Variants in CAMK2A observed in about 807,000 individuals in gnomAD.
CAMK2A encodes calcium/calmodulin-dependent protein kinase type II subunit alpha.
CAMK2A carries 7 observed loss-of-function variants against 79.2 expected under a neutral mutation model. That is an observed-to-expected ratio of 0.09 (90% CI 0.05 to 0.17). The LOEUF is 0.17. Ranked by LOEUF, CAMK2A falls within the 10% of genes least tolerant of loss-of-function variation. The pLI, the probability that CAMK2A is intolerant of heterozygous loss-of-function variation, is 1.00. For synonymous variants in CAMK2A, 242 were observed against 251.7 expected, an observed-to-expected ratio of 0.96 and a Z score of 0.36; for missense variants, 214 against 646.4, an observed-to-expected ratio of 0.33 and a Z score of 7.25.
intron 2 of CAMK2A, among the ~76,000 whole-genome samples, chr5:150,269,272 G>T (rs1487851158): frequency 6.6e-6 from 1 of 152,170 alleles, no homozygotes; most frequent in Non-Finnish European, 1.5e-5. Context: ...GGGGCTAAGA[G>T]CATGGCAAGG....
chr5:150,240,982 C>T (rs1755311108), intron 13 of CAMK2A, among the ~76,000 whole-genome samples: 1 of 152,244 alleles, frequency 6.6e-6, no homozygotes, highest in African/African-American at 2.4e-5. Flanking sequence ...GGGTTTCTGA[C>T]TCCAAGATCC....
rs116887413 is a variant in CAMK2A at position 150,282,668 on chromosome 5, C to A, written c.62+6896G>T. 1.0e-3 allele frequency among the ~76,000 whole-genome samples: 158 copies of A among 152,342 alleles called. No individual in the cohort carries two copies. In the East Asian group the frequency reaches 0.024, roughly 23 times the overall value. On this transcript the variant is annotated intron_variant, in intron 1 of 18. Transcript: ENST00000671881. ...CTCACCCTCTCTGGGCCTTAGCTCA[C>A]CATCTGTAAGACAATGGAGCCCTCT...
intron 17 of CAMK2A, among the ~76,000 whole-genome samples, chr5:150,227,709 G>A (rs1414165187): frequency 6.6e-6 from 1 of 152,192 alleles, no homozygotes; most frequent in Non-Finnish European, 1.5e-5. Context: ...GGGCACAGCA[G>A]TGTGAGCTCT....
chr5:150,279,061 G>T (rs2150307221), intron 1 of CAMK2A, among the ~76,000 whole-genome samples: 1 of 152,270 alleles, frequency 6.6e-6, no homozygotes, highest in Non-Finnish European at 1.5e-5. Context: ...GGAGGCTGGG[G>T]TAAGGATGAG....
intron 1 of CAMK2A, among the ~76,000 whole-genome samples, chr5:150,276,705 C>A (rs1195202484): frequency 6.6e-6 from 1 of 152,168 alleles, no homozygotes; most frequent in African/African-American, 2.4e-5. Context: ...CTCCAGGGTG[C>A]AGGAGCTGGG....
intron 18 of CAMK2A, 100 bp downstream of exon 18, chr5:150,222,889 T>G: frequency 7.1e-7 from 1 of 1,409,036 alleles, no homozygotes. Context: ...CTCTGCAGCC[T>G]TTCAGAGCTG....
intron 11 of CAMK2A, among the ~76,000 whole-genome samples, chr5:150,248,492 C>G (rs1358198082): frequency 1.6e-4 from 19 of 121,744 alleles, no homozygotes; most frequent in Non-Finnish European, 3.0e-4. Context: ...CCCCTCCCCC[C>G]ACCCCACAAC....
intron 15 of CAMK2A, among the ~76,000 whole-genome samples, chr5:150,237,086 C>G (rs1755105157): frequency 6.6e-6 from 1 of 152,104 alleles, no homozygotes; most frequent in African/African-American, 2.4e-5. Flanking sequence ...TGCTCTAGGG[C>G]CAGGTTGTGG....
chr5:150,243,789 A>G (rs1462126546), intron 13 of CAMK2A, among the ~76,000 whole-genome samples: 1 of 152,022 alleles, frequency 6.6e-6, no homozygotes, highest in Non-Finnish European at 1.5e-5. Context: ...ACCTCATTGC[A>G]TGAATGAAGA....
At chr5:150,233,838 G>T (rs188625917) in intron 15 of CAMK2A, among the ~76,000 whole-genome samples, 2 of 152,088 alleles carry the variant, frequency 1.3e-5, no homozygotes, top group Admixed American at 1.3e-4. Flanking sequence ...TTTGAGATGG[G>T]GTCTCTCTGC....
chr5:150,230,342 GGA>G lies in CAMK2A; in HGVS notation c.1142+961_1142+962del, dbSNP rs1491340091. On this transcript the variant is annotated intron_variant, in intron 16 of 18. Coordinates refer to ENST00000671881, the MANE Select transcript of CAMK2A (RefSeq NM_015981.4). ...CAAAAAAAAAAAAAAAAAAAAAAAG[GGA>G]AAAAAAAAAGAATGCACCTGGTCTG... 8.7e-5 allele frequency among the ~76,000 whole-genome samples: 9 copies of G among 103,740 alleles called. No individual in the cohort carries two copies. The South Asian group carries it at 3.2e-3, about 37-fold the overall frequency. 68.1% of individuals were successfully genotyped at this position (103,740 alleles called of 152,430 possible).
chr5:150,253,987 A>T (rs1406543376), intron 6 of CAMK2A, among the ~76,000 whole-genome samples: 3 of 152,226 alleles, frequency 2.0e-5, no homozygotes, highest in African/African-American at 7.2e-5. Flanking sequence ...CATCTTCCAC[A>T]GTGGCCTTCC....
intron 1 of CAMK2A, among the ~76,000 whole-genome samples, chr5:150,281,096 G>A (rs1757196339): frequency 6.6e-6 from 1 of 152,134 alleles, no homozygotes; most frequent in Non-Finnish European, 1.5e-5. Context: ...TCCTGTCTTA[G>A]GAACTCTAGC....
At chr5:150,282,810 C>T (rs1580959093) in intron 1 of CAMK2A, among the ~76,000 whole-genome samples, 2 of 152,374 alleles carry the variant, frequency 1.3e-5, no homozygotes, top group East Asian at 3.9e-4. Context: ...AGGAGGCCTG[C>T]AAGGAAGGTA....
intron 11 of CAMK2A, among the ~76,000 whole-genome samples, chr5:150,249,139 G>A (rs748323657): frequency 6.6e-6 from 1 of 152,248 alleles, no homozygotes; most frequent in Non-Finnish European, 1.5e-5. Flanking sequence ...CAGATAAGGA[G>A]GTTCCACAAG....
intron 15 of CAMK2A, among the ~76,000 whole-genome samples, chr5:150,236,322 T>C (rs1444315521): frequency 6.6e-6 from 1 of 152,236 alleles, no homozygotes; most frequent in African/African-American, 2.4e-5. Context: ...TTGAGTAAAA[T>C]TGGTGCTCCA....
intron 13 of CAMK2A, among the ~76,000 whole-genome samples, chr5:150,243,596 C>G (rs1450642291): frequency 2.0e-5 from 3 of 152,158 alleles, no homozygotes; most frequent in African/African-American, 7.2e-5. Flanking sequence ...TTCAAATATT[C>G]TTGAGAAAAC....
At chr5:150,289,398 C>T (rs1020152834) in intron 1 of CAMK2A, among the ~76,000 whole-genome samples, 166 bp downstream of exon 1, 3 of 152,168 alleles carry the variant, frequency 2.0e-5, no homozygotes, top group Admixed American at 6.5e-5. Flanking sequence ...TACCCACGCC[C>T]GACTCTGGAC....
Position 150,289,706 on chromosome 5 carries a change from A to T in CAMK2A, c.-81T>A. The T allele has an allele frequency of 8.7e-7, 1 of 1,143,396 alleles. No homozygotes were observed. The highest frequency in any genetic ancestry group is 1.3e-6 in the Non-Finnish European group (1 of 773,080). 70.8% of individuals were successfully genotyped at this position (1,143,396 alleles called of 1,614,324 possible). A position where few individuals can be genotyped will look rare whatever the true frequency, so the allele number is the denominator to read the frequency against. ...TGCTGCTCTGCTCCCGAACCTAGGG[A>T]CCACTTGCCTGCCCGTGCTGCCGAG... On this transcript the variant is annotated 5_prime_UTR_variant, in exon 1 of 19. Transcript: ENST00000671881.
Sources: allele counts gnomAD v4.1 joint callset (sites outside exome capture counted in the v4.1 genomes callset), GRCh38; gene constraint gnomAD v4.1.1; transcripts MANE v1.5; gene names NCBI Gene and HGNC (gene_info 2026-07-23, HGNC 2026-07-21).